TMEM120B: variants seen among roughly 807,000 people sequenced by gnomAD.
The protein encoded by TMEM120B is transmembrane protein 120B.
Under a neutral mutation model 55.5 loss-of-function variants are expected in TMEM120B, and 31 were observed. The observed-to-expected ratio is 0.56, with a 90% confidence interval of 0.42 to 0.75. TMEM120B has a LOEUF of 0.75. TMEM120B is among the 30% of genes least tolerant of loss of function. The pLI, the probability that TMEM120B is intolerant of heterozygous loss-of-function variation, is 0.00. For synonymous variants in TMEM120B, 203 were observed against 176.3 expected, an observed-to-expected ratio of 1.15 and a Z score of -1.20; for missense variants, 399 against 425.5, an observed-to-expected ratio of 0.94 and a Z score of 0.55.
At chr12:121,743,801 A>T in intron 2 of TMEM120B, 54 bp downstream of exon 2, 6 of 1,288,916 alleles carry the variant, frequency 4.7e-6, no homozygotes, top group Non-Finnish European at 6.7e-6. Context: ...CAGAAGTCCA[A>T]CTCAAAACAG....
In TMEM120B at chr12:121,775,015, C is replaced by T. The variant is rs760191842; in HGVS notation, c.838-47C>T. The T allele has an allele frequency of 1.2e-5, 20 of 1,605,612 alleles. No homozygotes were observed. The highest frequency in any genetic ancestry group is 6.7e-5 in the African/African-American group (5 of 74,682). On this transcript the variant is annotated intron_variant, in intron 10 of 11. Transcript: ENST00000449592. This position sits in a 1 kb window ranked among gnomAD's most constrained non-coding sequence, Gnocchi z 4.3. ...CCATCACCCTGGCTTTCTACGTGGC[C>T]GGCCAGGGGAGTCTGGTGGGTGAGC...
chr12:121,713,002 C>A, intron 1 of TMEM120B, 38 bp downstream of exon 1: 1 of 1,480,032 alleles, frequency 6.8e-7, no homozygotes, highest in Non-Finnish European at 9.0e-7. Context: ...CTCTGCTGCC[C>A]GCGGTGCAGC....
At position 121,736,448 on chromosome 12, in the gene TMEM120B, G is replaced by A. The variant is rs532096700; in HGVS notation, c.70-7181G>A. ...CTCCCAAAGTGCTGGGATTACAGGC[G>A]TGAGCCACCGTGCCCGGCCGGTCTC... On this transcript the variant is annotated intron_variant, in intron 1 of 11. Coordinates refer to ENST00000449592, the MANE Select transcript of TMEM120B (RefSeq NM_001080825.2). Among the ~76,000 whole-genome samples, 10 of 151,228 alleles carry A rather than the reference G, an allele frequency of 6.6e-5. No individual in the cohort carries two copies. The East Asian group carries it at 1.5e-3, about 23-fold the overall frequency.
intron 6 of TMEM120B, among the ~76,000 whole-genome samples, chr12:121,769,650 C>T (rs925701042): frequency 2.0e-5 from 3 of 151,908 alleles, no homozygotes; most frequent in Non-Finnish European, 4.4e-5. Context: ...CTGCAGTGAG[C>T]CATGATTGCA....
chr12:121,728,286 G>A (rs945408337), intron 1 of TMEM120B, among the ~76,000 whole-genome samples: 1 of 151,598 alleles, frequency 6.6e-6, no homozygotes, highest in South Asian at 2.1e-4. Flanking sequence ...TCAGGAGATC[G>A]AGACCATCCT....
Position 121,779,680 on chromosome 12 carries a change from C to T in TMEM120B, c.*3958C>T, listed in dbSNP as rs1174703817. ...CTCAGGCCCTGGGTGGGGGGAGGAGCCAGCATTAGGTGAGGGGCCCCTGGA... is the reference window on the plus strand; with the variant it reads ...CTCAGGCCCTGGGTGGGGGGAGGAGTCAGCATTAGGTGAGGGGCCCCTGGA... On this transcript the variant is annotated 3_prime_UTR_variant, in exon 12 of 12. Coordinates refer to ENST00000449592, the MANE Select transcript of TMEM120B (RefSeq NM_001080825.2). The T allele has an allele frequency of 5.6e-6, 9 of 1,613,146 alleles. No individual in the cohort carries two copies. Among genetic ancestry groups the T allele is most frequent in the Non-Finnish European group, 7.6e-6 (9 of 1,179,606 alleles).
intron 1 of TMEM120B, among the ~76,000 whole-genome samples, chr12:121,742,247 C>T (rs938714399): frequency 2.6e-5 from 4 of 151,838 alleles, no homozygotes; most frequent in Non-Finnish European, 5.9e-5. Context: ...AAATTATCTG[C>T]CTGCCTTGGC....
intron 1 of TMEM120B, among the ~76,000 whole-genome samples, chr12:121,726,035 C>CAAAA (rs35523686): frequency 2.4e-5 from 3 of 126,688 alleles, no homozygotes; most frequent in Non-Finnish European, 3.2e-5. Context: ...GACTCTGTCT[C>CAAAA]AAAAAAAAAA....
intron 7 of TMEM120B, 87 bp from the exon 8 acceptor site, chr12:121,771,401 T>C (rs1485866938): frequency 8.3e-7 from 1 of 1,202,364 alleles, no homozygotes; most frequent in African/African-American, 1.5e-5. Context: ...CCTTTTCGCC[T>C]CTTCTGGTTG....
chr12:121,715,977 T>G (rs1435922704), intron 1 of TMEM120B, among the ~76,000 whole-genome samples: 1 of 150,104 alleles, frequency 6.7e-6, no homozygotes, highest in Non-Finnish European at 1.5e-5. Flanking sequence ...ATTGCGTATG[T>G]GCTGGGCAGT....
At chr12:121,747,587 C>T (rs867115585) in intron 2 of TMEM120B, among the ~76,000 whole-genome samples, 7 of 13,022 alleles carry the variant, frequency 5.4e-4, no homozygotes, top group Non-Finnish European at 6.6e-4. Flanking sequence ...GGGTAGAAGG[C>T]GGGAGGCTGG....
chr12:121,740,195 G>A (rs920336240), intron 1 of TMEM120B, among the ~76,000 whole-genome samples: 1 of 152,086 alleles, frequency 6.6e-6, no homozygotes, highest in Non-Finnish European at 1.5e-5. Flanking sequence ...AATAAAGAAA[G>A]CTAGAGAGGC....
chr12:121,731,006 G>A (rs981673339), intron 1 of TMEM120B, among the ~76,000 whole-genome samples: 20 of 152,066 alleles, frequency 1.3e-4, no homozygotes, highest in African/African-American at 3.9e-4. Flanking sequence ...ACTTACAGGC[G>A]GTACCTAGAG....
chr12:121,758,614 C>G (rs1272409467), intron 5 of TMEM120B: 2 of 982,128 alleles, frequency 2.0e-6, no homozygotes, highest in Admixed American at 1.3e-4. Flanking sequence ...GGCCCAGCCC[C>G]GCGCTGTGGT....
chr12:121,721,013 G>A (rs915467365), intron 1 of TMEM120B, among the ~76,000 whole-genome samples: 2 of 152,174 alleles, frequency 1.3e-5, no homozygotes, highest in Non-Finnish European at 2.9e-5. Context: ...TCTTCCCACT[G>A]GGGCAGAGCT....
At chr12:121,751,990 T>C in intron 4 of TMEM120B, 138 bp from the exon 5 acceptor site, 1 of 683,788 alleles carries the variant, frequency 1.5e-6, no homozygotes, top group Middle Eastern at 3.9e-4. Flanking sequence ...GCCAGGTCTT[T>C]CCTTTAGTGG....
chr12:121,768,919 G>T (rs890188191), intron 6 of TMEM120B, among the ~76,000 whole-genome samples: 1 of 152,150 alleles, frequency 6.6e-6, no homozygotes, highest in Non-Finnish European at 1.5e-5. Flanking sequence ...GCCGAGGCAG[G>T]TGGATCCCCT....
intron 1 of TMEM120B, among the ~76,000 whole-genome samples, chr12:121,737,678 G>A (rs530365966): frequency 2.0e-5 from 3 of 152,024 alleles, no homozygotes; most frequent in Non-Finnish European, 2.9e-5. Flanking sequence ...AAGAGAGGGT[G>A]GAGGGCAAGC....
At chr12:121,739,228 CAG>C (rs535234225) in intron 1 of TMEM120B, among the ~76,000 whole-genome samples, 66 of 152,036 alleles carry the variant, frequency 4.3e-4, no homozygotes, top group African/African-American at 1.3e-3. Context: ...TCACGAAAGA[CAG>C]AGATTGGGAG....
Sources: gnomAD v4.1 joint callset for allele counts (sites outside exome capture counted in the v4.1 genomes callset) on GRCh38, gnomAD v4.1.1 for gene constraint, Gnocchi (gnomAD v3.1) non-coding constraint, MANE v1.5 for transcripts, NCBI Gene and HGNC (gene_info 2026-07-23, HGNC 2026-07-21) for gene names.